NUAK2: variants seen among roughly 807,000 people sequenced by gnomAD.
The protein encoded by NUAK2 is NUAK family SNF1-like kinase 2.
A neutral mutation model predicts 29.8 loss-of-function variants in NUAK2; 20 were observed. The ratio of observed to expected loss-of-function variants is 0.67; its 90% CI spans 0.47 to 0.98. NUAK2 has a LOEUF of 0.98. Ranked by LOEUF, NUAK2 falls within the 50% of genes least tolerant of loss-of-function variation. NUAK2 has a pLI of 0.00. For synonymous variants in NUAK2, 331 were observed against 342.6 expected (o/e 0.97, Z 0.37); for missense variants, 719 against 834.5 (o/e 0.86, Z 1.71).
rs201458532 is a variant in NUAK2 at position 205,303,734 on chromosome 1, G to A, written c.1603C>T (p.Arg535Trp). The change falls in exon 7 of 7, where the codon CGG becomes TGG. Residue 535 changes from arginine (R) to tryptophan (W), a missense_variant. Transcript: ENST00000367157. ...DELAPPRPLARASRPSGAVSE... is the reference protein window; with the variant it reads ...DELAPPRPLAWASRPSGAVSE... ...ACAGCCCCTGAGGGTCGGCTGGCCC[G>A]GGCCAGGGGGCGAGGTGGGGCGAGT... The A allele has an allele frequency of 5.0e-5, 77 of 1,538,280 alleles. No homozygotes were observed. The highest frequency in any genetic ancestry group is 5.9e-5 in the Non-Finnish European group (68 of 1,144,234).
Position 205,302,246 on chromosome 1 carries a change from A to C in NUAK2, c.*1204T>G, listed in dbSNP as rs963484328. On this transcript the variant is annotated 3_prime_UTR_variant, in exon 7 of 7. Transcript: ENST00000367157. ...TAGATGTCATAGTGGATTTTCCCAG[A>C]ACATAGCATTCACATTATTGAAAAC... is the stretch of plus-strand genomic sequence containing the variant. 3 of 152,650 alleles carry C rather than the reference A, an allele frequency of 2.0e-5. No homozygotes were observed. The highest frequency in any genetic ancestry group is 7.2e-5 in the African/African-American group (3 of 41,436). The allele number at this position is 152,650 out of a possible 1,614,324, so 9.5% of individuals were successfully genotyped here.
chr1:205,304,288 A>G lies in NUAK2; in HGVS notation c.1049T>C (p.Val350Ala). 1 of 1,612,940 alleles carries G rather than the reference A, an allele frequency of 6.2e-7. No homozygotes were observed. The highest frequency in any genetic ancestry group is 1.1e-5 in the South Asian group (1 of 90,976). The stretch of plus-strand genomic sequence containing the variant: ...TGCATGCTGCTTGAAGAAGCTGCAC[A>G]CCTTGGCCCCATTCTCCAGGAGGGG... The part of the protein sequence containing the change: ...SRPLLENGAK[V>A]CSFFKQHAPG... Residue 350 changes from valine to alanine, a missense_variant, in exon 7 of 7, where the codon GTG becomes GCG. Physicochemically the swap from Val to Ala is moderately conservative, Grantham distance 64. This residue lies in a region of NUAK2 where 430 missense variants were observed against 465.7 expected (regional missense o/e 0.92). Transcript: ENST00000367157. The surrounding 1 kb of genome is among the most constrained non-coding windows in gnomAD (Gnocchi z 6.5).
At position 205,303,654 on chromosome 1, in the gene NUAK2, T is replaced by C; in HGVS notation, c.1683A>G (p.Glu561=). 6.3e-7 allele frequency: 1 copy of C among 1,579,126 alleles called. No individual in the cohort carries two copies. ...SESFDQLDLP[E]RLPEPPLRGC... ...CCCGCAGTGGGGGCTCTGGGAGCCG[T>C]TCAGGCAAGTCCAGCTGGTCAAAGG... The change falls in exon 7 of 7, where the codon GAA becomes GAG. Residue 561 remains glutamate, a synonymous_variant. Transcript: ENST00000367157.
At chr1:205,312,471 C>A (rs918703792) in intron 1 of NUAK2, among the ~76,000 whole-genome samples, 3 of 152,154 alleles carry the variant, frequency 2.0e-5, no homozygotes, top group Non-Finnish European at 4.4e-5. Context: ...CAGTCCCTAG[C>A]CACAAAGTGG....
intron 1 of NUAK2, among the ~76,000 whole-genome samples, chr1:205,317,442 G>T (rs930884530): frequency 2.6e-5 from 4 of 152,216 alleles, no homozygotes; most frequent in African/African-American, 9.6e-5. Context: ...GGTTGGGCTG[G>T]GTTGGCCCAG....
chr1:205,314,094 G>A (rs1005573346), intron 1 of NUAK2, among the ~76,000 whole-genome samples: 7 of 152,216 alleles, frequency 4.6e-5, no homozygotes, highest in Admixed American at 1.3e-4. Flanking sequence ...AGGCCCTGCC[G>A]GCCTGTGTTC....
rs1662419409 is a variant in NUAK2, at chr1:205,321,561, A to G, written c.68T>C (p.Leu23Pro). ...TPSAAELARP[L>P]AEGLIKSPKP... ...GGGCGACTTGATCAGCCCTTCCGCC[A>G]GCGGCCGGGCTAGCTCTGCGGCCGA... Residue 23 changes from leucine (L) to proline (P), a missense_variant, in exon 1 of 7, where the codon CTG becomes CCG. Coordinates refer to ENST00000367157, the MANE Select transcript of NUAK2 (RefSeq NM_030952.3). The G allele has an allele frequency of 6.2e-7, 1 of 1,613,554 alleles. No homozygotes were observed. The highest frequency in any genetic ancestry group is 8.5e-7 in the Non-Finnish European group (1 of 1,179,904).
rs1273321680 is a variant in NUAK2 at position 205,303,543 on chromosome 1, A to G, written c.1794T>C (p.Asp598=). The change falls in exon 7 of 7, where the codon GAT becomes GAC. Residue 598 remains aspartate, a synonymous_variant. Coordinates refer to ENST00000367157, the MANE Select transcript of NUAK2 (RefSeq NM_030952.3). ...GGGAAAAGCAGCTGTCCCCCAAAGG[A>G]TCCTGCCGCCAGCGCCTCAGGCAGC... ...PGSCLRRWRQ[D]PLGDSCFSLT... 8.1e-6 allele frequency: 13 copies of G among 1,613,576 alleles called. No homozygotes were observed. In the South Asian group the frequency reaches 1.4e-4, roughly 18 times the overall value.
intron 1 of NUAK2, among the ~76,000 whole-genome samples, chr1:205,315,550 T>C (rs549965984): frequency 1.3e-5 from 2 of 152,296 alleles, no homozygotes; most frequent in Non-Finnish European, 2.9e-5. Flanking sequence ...ATCTGCAAGA[T>C]AGCCAGGCAA....
intron 1 of NUAK2, among the ~76,000 whole-genome samples, chr1:205,313,807 G>A (rs1193458118): frequency 1.3e-5 from 2 of 152,186 alleles, no homozygotes; most frequent in Non-Finnish European, 2.9e-5. Flanking sequence ...GTGGGGGTGG[G>A]GTGTCACAGG....
intron 1 of NUAK2, 47 bp downstream of exon 1, chr1:205,321,351 G>T (rs1662414080): frequency 6.6e-7 from 1 of 1,526,640 alleles, no homozygotes; most frequent in African/African-American, 1.4e-5. Flanking sequence ...CCCTGCCGGC[G>T]GCCAAGCCGG....
intron 1 of NUAK2, among the ~76,000 whole-genome samples, chr1:205,319,190 A>G (rs1662371004): frequency 6.6e-6 from 1 of 152,046 alleles, no homozygotes. Flanking sequence ...AAGGAAGGAG[A>G]CCCTGAGCAA....
chr1:205,319,515 G>A (rs1662376126), intron 1 of NUAK2, among the ~76,000 whole-genome samples: 2 of 151,928 alleles, frequency 1.3e-5, no homozygotes. Flanking sequence ...CTCAGTCTCT[G>A]GGCCACCCCA....
intron 4 of NUAK2, among the ~76,000 whole-genome samples, chr1:205,306,589 A>G (rs531306150): frequency 2.6e-5 from 4 of 152,210 alleles, no homozygotes; most frequent in African/African-American, 7.2e-5. Context: ...GCATTCCACT[A>G]CAGAGATGCT....
At chr1:205,313,275 G>A (rs1423050774) in intron 1 of NUAK2, among the ~76,000 whole-genome samples, 2 of 149,534 alleles carry the variant, frequency 1.3e-5, no homozygotes, top group Non-Finnish European at 3.0e-5. Flanking sequence ...CCAAACACCA[G>A]TCTATTCAGT....
Position 205,308,120 on chromosome 1 carries a change from C to G in NUAK2, c.570+45G>C. On this transcript the variant is annotated intron_variant, in intron 4 of 6. Transcript: ENST00000367157. The surrounding 1 kb of genome is among the most constrained non-coding windows in gnomAD (Gnocchi z 4.1). ...CTTGGCTGGGGACAGTGCAGAAAAGCTGGGGTGGGCAAGGAGGCTTCTAGA... is the reference window on the plus strand; with the variant it reads ...CTTGGCTGGGGACAGTGCAGAAAAGGTGGGGTGGGCAAGGAGGCTTCTAGA... 7.4e-7 allele frequency: 1 copy of G among 1,349,200 alleles called. No individual in the cohort carries two copies. The highest frequency in any genetic ancestry group is 1.1e-6 in the Non-Finnish European group (1 of 945,462). 83.6% of individuals were successfully genotyped at this position (1,349,200 alleles called of 1,614,324 possible).
Position 205,311,751 on chromosome 1 carries a change from C to T in NUAK2, c.306G>A (p.Glu102=). ...QDLMHIRREI[E]IMSSLNHPHI... The stretch of plus-strand genomic sequence containing the variant: ...GAGGGTGGTTGAGTGATGACATGAT[C>T]TCAATCTCCCTCCGTATGTGCATCA... The change falls in exon 2 of 7, where the codon GAG becomes GAA. Residue 102 remains glutamate (E), a synonymous_variant. Coordinates refer to ENST00000367157, the MANE Select transcript of NUAK2 (RefSeq NM_030952.3). The T allele has an allele frequency of 6.2e-7, 1 of 1,614,168 alleles. No individual in the cohort carries two copies. Among genetic ancestry groups the T allele is most frequent in the Non-Finnish European group, 8.5e-7 (1 of 1,180,034 alleles).
At chr1:205,315,483 G>C (rs1052555088) in intron 1 of NUAK2, among the ~76,000 whole-genome samples, 24 of 152,306 alleles carry the variant, frequency 1.6e-4, no homozygotes, top group African/African-American at 5.8e-4. Context: ...CTTCTTCCTA[G>C]ACATGGGTGA....
intron 1 of NUAK2, among the ~76,000 whole-genome samples, chr1:205,320,248 G>GT (rs35177407): frequency 5.9e-5 from 9 of 151,460 alleles, no homozygotes; most frequent in Non-Finnish European, 1.3e-4. Context: ...TTCTTTTTTT[G>GT]TTTGTTTCGT....
Sources: gnomAD v4.1 joint callset for allele counts (sites outside exome capture counted in the v4.1 genomes callset) on GRCh38, gnomAD v4.1.1 for gene constraint, gnomAD v4.1.1 regional missense constraint, Gnocchi (gnomAD v3.1) non-coding constraint, MANE v1.5 for transcripts, NCBI Gene and HGNC (gene_info 2026-07-23, HGNC 2026-07-21) for gene names.